NMU: variants seen among roughly 807,000 people sequenced by gnomAD.
NMU encodes the protein neuromedin U.
In NMU, 29 loss-of-function variants were observed where a neutral mutation model predicts 35.4. The ratio of observed to expected loss-of-function variants is 0.82; its 90% confidence interval spans 0.61 to 1.12. NMU has a LOEUF of 1.12. NMU is among the 50% of genes most tolerant of loss of function. The pLI is 0.00. For missense variants in NMU, 199 were observed against 206.2 expected (o/e 0.97, Z 0.21); for synonymous variants, 78 against 81.3 (o/e 0.96, Z 0.22).
chr4:55,600,747 C>T (rs11722645), intron 7 of NMU, among the ~76,000 whole-genome samples, 172 bp from the exon 8 acceptor site: 7,562 of 152,204 alleles, frequency 0.05, 228 homozygotes, highest in Non-Finnish European at 0.076. Context: ...TTTTCAACAA[C>T]TAGCAGTATC....
intron 7 of NMU, among the ~76,000 whole-genome samples, chr4:55,602,247 T>C (rs750161115): frequency 6.6e-6 from 1 of 152,180 alleles, no homozygotes; most frequent in Non-Finnish European, 1.5e-5. Flanking sequence ...TTAAGAAAAG[T>C]GTTTTAAAAT....
At chr4:55,596,675 C>A (rs1237332610) in intron 9 of NMU, among the ~76,000 whole-genome samples, 3 of 152,132 alleles carry the variant, frequency 2.0e-5, no homozygotes, top group Admixed American at 6.5e-5. Flanking sequence ...CAAACACAGT[C>A]TGCAAATTCA....
At chr4:55,615,844 C>T (rs890339909) in intron 3 of NMU, among the ~76,000 whole-genome samples, 3 of 152,046 alleles carry the variant, frequency 2.0e-5, no homozygotes, top group East Asian at 1.9e-4. Context: ...CATGTGTTCT[C>T]GTCACTTAAC....
chr4:55,636,599 T>C (rs1267716032), upstream of NMU: 1 of 161,480 alleles, frequency 6.2e-6, no homozygotes. The surrounding 1 kb of genome is among the most constrained non-coding windows in gnomAD (Gnocchi z 4.0). Flanking sequence ...GCCGTCTGAG[T>C]TTTTAAACTT....
intron 1 of NMU, among the ~76,000 whole-genome samples, 193 bp from the exon 2 acceptor site, chr4:55,630,653 A>G (rs1734718183): frequency 1.3e-5 from 2 of 152,192 alleles, no homozygotes; most frequent in African/African-American, 4.8e-5. Context: ...CATTACGAAG[A>G]TATTACTCTC....
intron 8 of NMU, among the ~76,000 whole-genome samples, chr4:55,600,149 G>T (rs1733363283): frequency 6.6e-6 from 1 of 152,078 alleles, no homozygotes; most frequent in South Asian, 2.1e-4. Context: ...AAGAATTTGT[G>T]AAAGTATTCG....
intron 3 of NMU, among the ~76,000 whole-genome samples, chr4:55,613,580 G>A (rs3805384): frequency 0.36 from 55,288 of 151,914 alleles, 10,421 homozygotes; most frequent in East Asian, 0.59. Flanking sequence ...ATAGTAATTA[G>A]TTATAATAAT....
chr4:55,626,400 C>T (rs779029001), intron 2 of NMU, among the ~76,000 whole-genome samples: 2 of 152,176 alleles, frequency 1.3e-5, no homozygotes, highest in African/African-American at 2.4e-5. Context: ...CAGTTTTAGA[C>T]ATTGTCAATA....
At chr4:55,616,502 G>C in intron 2 of NMU, 117 bp from the exon 3 acceptor site, 2 of 812,268 alleles carry the variant, frequency 2.5e-6, no homozygotes, top group Non-Finnish European at 4.2e-6. Context: ...GATAGTTTAG[G>C]ACTCTGGATT....
At chr4:55,598,352 C>A (rs1389381556) in intron 9 of NMU, among the ~76,000 whole-genome samples, 1 of 152,058 alleles carries the variant, frequency 6.6e-6, no homozygotes, top group Non-Finnish European at 1.5e-5. Flanking sequence ...GGATTACAGG[C>A]ATGAGCCACT....
chr4:55,610,707 C>T (rs1552524), intron 3 of NMU, among the ~76,000 whole-genome samples: 141,772 of 152,214 alleles, frequency 0.93, 66,549 homozygotes, highest in East Asian at 1. Context: ...CTCATATGTA[C>T]ATAGTGTTTC....
chr4:55,636,280 G>C lies in NMU; in HGVS notation c.-88C>G. 7.2e-7 allele frequency: 1 copy of C among 1,398,572 alleles called. No homozygotes were observed. Among genetic ancestry groups the C allele is most frequent in the South Asian group, 1.6e-5 (1 of 63,688 alleles). The allele number at this position is 1,398,572 out of a possible 1,614,324, so 86.6% of individuals were successfully genotyped here. A position where few individuals can be genotyped will look rare whatever the true frequency, so the allele number is the denominator to read the frequency against. On this transcript the variant is annotated 5_prime_UTR_variant, in exon 1 of 10. Transcript: ENST00000264218. This position sits in a 1 kb window ranked among gnomAD's most constrained non-coding sequence, Gnocchi z 4.0. ...CCACCTGGTGCCCTGGCTGTGCCTC[G>C]GGGCCCGGACACAGGACTGAGCGCC...
rs1733325083 is a variant in NMU at position 55,599,199 on chromosome 4, A to C, written c.490-18T>G. The C allele has an allele frequency of 3.1e-6, 5 of 1,594,172 alleles. No individual in the cohort carries two copies. In the South Asian group the frequency reaches 4.4e-5, roughly 14 times the overall value. On this transcript the variant is annotated intron_variant, in intron 8 of 9. Coordinates refer to ENST00000264218, the MANE Select transcript of NMU (RefSeq NM_006681.4). ...TTCCGTGGCTGAAAAATAATAGATTAGAAATAAATCAGTGTAACTAAAGAT... is the reference window on the plus strand; with the variant it reads ...TTCCGTGGCTGAAAAATAATAGATTCGAAATAAATCAGTGTAACTAAAGAT...
chr4:55,626,047 G>A (rs1029264023), intron 2 of NMU, among the ~76,000 whole-genome samples: 5 of 152,156 alleles, frequency 3.3e-5, no homozygotes, highest in Non-Finnish European at 7.4e-5. Context: ...ATGCTGGATC[G>A]TGGGGATATC....
In NMU at chr4:55,611,752, G is replaced by A. The variant is rs980307747; in HGVS notation, c.220-2573C>T. On this transcript the variant is annotated intron_variant, in intron 3 of 9. Coordinates refer to ENST00000264218, the MANE Select transcript of NMU (RefSeq NM_006681.4). The stretch of plus-strand genomic sequence containing the variant: ...AGGTTTGTAGCCATATAGCCTAGGT[G>A]TGTAGTAGGCTGTACATCTAGATTT... 9.8e-5 allele frequency among the ~76,000 whole-genome samples: 15 copies of A among 152,332 alleles called. No homozygotes were observed. The East Asian group carries it at 2.5e-3, about 25-fold the overall frequency.
At chr4:55,605,700 T>C (rs774102297) in intron 6 of NMU, among the ~76,000 whole-genome samples, 12 of 152,210 alleles carry the variant, frequency 7.9e-5, no homozygotes, top group African/African-American at 1.9e-4. Context: ...TTACTCAAAA[T>C]AATTCGGACC....
chr4:55,600,609 T>A, intron 7 of NMU, 34 bp from the exon 8 acceptor site: 1 of 1,494,286 alleles, frequency 6.7e-7, no homozygotes, highest in Non-Finnish European at 9.3e-7. Flanking sequence ...ACAAATCACA[T>A]AACACTAAAA....
chr4:55,624,110 C>G (rs967363377), intron 2 of NMU, among the ~76,000 whole-genome samples: 8 of 150,134 alleles, frequency 5.3e-5, no homozygotes, highest in African/African-American at 2.0e-4. Context: ...TAGGCATGGG[C>G]AAGAACTTCA....
chr4:55,627,407 A>G (rs1162431784), intron 2 of NMU, among the ~76,000 whole-genome samples: 1 of 138,774 alleles, frequency 7.2e-6, no homozygotes, highest in African/African-American at 2.6e-5. Flanking sequence ...TTTTTTTTTT[A>G]AAGTAAATGA....
Sources: gnomAD v4.1 joint callset for allele counts (sites outside exome capture counted in the v4.1 genomes callset) on GRCh38, gnomAD v4.1.1 for gene constraint, Gnocchi (gnomAD v3.1) non-coding constraint, MANE v1.5 for transcripts, NCBI Gene and HGNC (gene_info 2026-07-23, HGNC 2026-07-21) for gene names.